Variants in TMEM238L observed in about 807,000 individuals in gnomAD.
TMEM238L encodes the protein transmembrane protein 238 like.
intron 1 of TMEM238L, chr17:10,802,290 T>C (rs1021042814): frequency 1.3e-5 from 2 of 152,262 alleles, no homozygotes; most frequent in Non-Finnish European, 2.9e-5. Context: ...GTGTTTTGTA[T>C]GCTTGACATC....
At chr17:10,804,000 C>T (rs1597580000) in exon 1 of TMEM238L, 2 of 399,498 alleles carry the variant, frequency 5.0e-6, no homozygotes, top group Non-Finnish European at 8.8e-6. Context: ...GCTGCACTCC[C>T]GGGGGTGATT....
intron 1 of TMEM238L, among the ~76,000 whole-genome samples, chr17:10,798,947 C>G (rs1365192281): frequency 6.6e-6 from 1 of 152,048 alleles, no homozygotes; most frequent in East Asian, 1.9e-4. Flanking sequence ...ATACAGTGAC[C>G]AGGTGATAAA....
chr17:10,802,740 C>A (rs371561871), intron 1 of TMEM238L, among the ~76,000 whole-genome samples: 2 of 152,140 alleles, frequency 1.3e-5, no homozygotes, highest in African/African-American at 4.8e-5. Flanking sequence ...CCCAATGGAC[C>A]GTGGCTCTGA....
At chr17:10,802,513 G>A (rs2151524390) in intron 1 of TMEM238L, 1 of 152,574 alleles carries the variant, frequency 6.6e-6, no homozygotes, top group Non-Finnish European at 1.5e-5. Context: ...TCCTAGGTAT[G>A]GGCTTACCTT....
chr17:10,799,483 C>A (rs1264460205), intron 1 of TMEM238L, among the ~76,000 whole-genome samples: 1 of 152,236 alleles, frequency 6.6e-6, no homozygotes, highest in African/African-American at 2.4e-5. Context: ...CAGGCATGAG[C>A]TATCATGCCC....
chr17:10,799,738 G>A (rs1904674940), intron 1 of TMEM238L, among the ~76,000 whole-genome samples: 1 of 152,200 alleles, frequency 6.6e-6, no homozygotes, highest in Non-Finnish European at 1.5e-5. Flanking sequence ...TCAGAAACTT[G>A]TGTTCATGTA....
chr17:10,801,067 T>G (rs1276345224), intron 1 of TMEM238L, among the ~76,000 whole-genome samples: 1 of 151,944 alleles, frequency 6.6e-6, no homozygotes, highest in South Asian at 2.1e-4. Context: ...TTTTTTTTTT[T>G]TGAGACGGAG....
exon 1 of TMEM238L, chr17:10,803,717 G>T: frequency 2.5e-6 from 1 of 399,352 alleles, no homozygotes; most frequent in South Asian, 1.3e-4. Flanking sequence ...CTCTTCCCAT[G>T]GCCAAATTAC....
chr17:10,798,690 T>C (rs1177907604), intron 1 of TMEM238L, among the ~76,000 whole-genome samples: 1 of 151,678 alleles, frequency 6.6e-6, no homozygotes, highest in African/African-American at 2.4e-5. Context: ...AGTGTGTGTT[T>C]CTGGATGTGT....
exon 2 of TMEM238L, chr17:10,795,882 G>A (rs932600513): frequency 6.6e-6 from 1 of 152,232 alleles, no homozygotes; most frequent in East Asian, 1.9e-4. Context: ...CCTCCTGGAT[G>A]CTGTTAAAGG....
At chr17:10,797,381 T>TTCCC (rs1332732073) in intron 1 of TMEM238L, among the ~76,000 whole-genome samples, 8 of 85,874 alleles carry the variant, frequency 9.3e-5, no homozygotes, top group South Asian at 5.9e-4. Context: ...CCCTCCCTCC[T>TTCCC]TCCCTCCCTC....
At chr17:10,803,122 G>A (rs1597579653) in intron 1 of TMEM238L, among the ~76,000 whole-genome samples, 2 of 152,092 alleles carry the variant, frequency 1.3e-5, no homozygotes, top group Non-Finnish European at 2.9e-5. Flanking sequence ...GAGAGGGGCC[G>A]TTCTGGGTGG....
exon 2 of TMEM238L, chr17:10,795,468 G>A (rs1904513047): frequency 6.6e-6 from 1 of 152,250 alleles, no homozygotes; most frequent in African/African-American, 2.4e-5. Context: ...CAGTGTCAAA[G>A]GGTAGATACA....
intron 1 of TMEM238L, among the ~76,000 whole-genome samples, chr17:10,796,292 C>A (rs1476904491): frequency 6.6e-6 from 1 of 152,242 alleles, no homozygotes; most frequent in East Asian, 1.9e-4. Context: ...ATGCCTACCT[C>A]TCTCTGCTCT....
intron 1 of TMEM238L, among the ~76,000 whole-genome samples, chr17:10,797,479 A>G (rs544569506): frequency 1.1e-4 from 16 of 145,522 alleles, no homozygotes; most frequent in Admixed American, 8.1e-4. Context: ...AATCTCATCC[A>G]CATGTCTCTA....
At chr17:10,799,962 G>GCT (rs1904682779) in intron 1 of TMEM238L, among the ~76,000 whole-genome samples, 1 of 148,678 alleles carries the variant, frequency 6.7e-6, no homozygotes, top group African/African-American at 2.5e-5. Flanking sequence ...GACGGAGTCT[G>GCT]GCTCTGTCGC....
chr17:10,797,247 A>G (rs1490747278), intron 1 of TMEM238L, among the ~76,000 whole-genome samples: 7 of 152,276 alleles, frequency 4.6e-5, no homozygotes, highest in Non-Finnish European at 8.8e-5. Flanking sequence ...TTATGATGAT[A>G]ATACTACTTT....
chr17:10,796,089 T>C (rs1192681443), intron 1 of TMEM238L, 141 bp from the exon 2 acceptor site: 1 of 152,270 alleles, frequency 6.6e-6, no homozygotes, highest in Non-Finnish European at 1.5e-5. Context: ...TCCATGGCAC[T>C]GTTACCTTGG....
intron 1 of TMEM238L, among the ~76,000 whole-genome samples, chr17:10,801,998 G>T (rs1252118101): frequency 6.6e-6 from 1 of 152,080 alleles, no homozygotes; most frequent in African/African-American, 2.4e-5. Context: ...GCCAAGGCTG[G>T]TCTTGAACTC....
Sources: gnomAD v4.1 joint callset for allele counts (sites outside exome capture counted in the v4.1 genomes callset) on GRCh38, gnomAD v4.1.1 for gene constraint, MANE v1.5 for transcripts, NCBI Gene and HGNC (gene_info 2026-07-23, HGNC 2026-07-21) for gene names.